The following SNF8 variants were observed in gnomAD, a reference collection of about 807,000 sequenced individuals.
The protein encoded by SNF8 is vacuolar-sorting protein SNF8.
SNF8 carries 19 observed loss-of-function variants against 36.8 expected under a neutral mutation model. That is an observed-to-expected ratio of 0.52 (90% CI 0.36 to 0.76). SNF8 has a LOEUF of 0.76. Ranked by LOEUF, SNF8 falls within the 30% of genes least tolerant of loss-of-function variation. The pLI is 0.00. For missense variants in SNF8, 268 were observed against 322.9 expected, an observed-to-expected ratio of 0.83 and a Z score of 1.30; for synonymous variants, 127 against 127.4, an observed-to-expected ratio of 1.00 and a Z score of 0.02.
At position 48,936,030 on chromosome 17, in the gene SNF8, T is replaced by TG. The variant is rs1332211081; in HGVS notation, c.422+139dup. 8.1e-5 allele frequency: 51 copies of TG among 628,236 alleles called. 1 individual carries two copies. The highest frequency in any genetic ancestry group is 2.7e-6 in the Non-Finnish European group (1 of 370,974). 38.9% of individuals were successfully genotyped at this position (628,236 alleles called of 1,614,324 possible). ...TATCTCTTATTTTTTGTTTGTTTTT[T>TG]GTTTTTTTTTTTCCTGTATGATATG... On this transcript the variant is annotated intron_variant, in intron 5 of 7. Coordinates refer to ENST00000502492, the MANE Select transcript of SNF8 (RefSeq NM_007241.4).
In SNF8 at chr17:48,935,933, G is replaced by A. The variant is rs1033797615; in HGVS notation, c.422+237C>T. 7.7e-6 allele frequency: 3 copies of A among 391,470 alleles called. No individual in the cohort carries two copies. The South Asian group carries it at 1.0e-4, about 14-fold the overall frequency. 24.2% of individuals were successfully genotyped at this position (391,470 alleles called of 1,614,324 possible). ...TTGAGCCCAAGAGTTTGAGGCTGCA[G>A]TAAGCAATGATCTTGGTAGCAGTAA... On this transcript the variant is annotated intron_variant, in intron 5 of 7. Transcript: ENST00000502492.
intron 7 of SNF8, among the ~76,000 whole-genome samples, chr17:48,930,985 TC>T (rs1445577419): frequency 2.0e-5 from 3 of 152,184 alleles, no homozygotes; most frequent in African/African-American, 7.2e-5. Context: ...ATTAAGTTAT[TC>T]CGGGTAGCAA....
At position 48,944,773 on chromosome 17, in the gene SNF8, C is replaced by G; in HGVS notation, c.-39G>C. ...CCGCGGGCCGCCCGGCTGCCGGGAC[C>G]CCGGGTCTCCACGTCCCGGACTCCG... is the stretch of plus-strand genomic sequence containing the variant. On this transcript the variant is annotated 5_prime_UTR_variant, in exon 1 of 8. Transcript: ENST00000502492. 1 of 1,577,996 alleles carries G rather than the reference C, an allele frequency of 6.3e-7. No individual in the cohort carries two copies. The highest frequency in any genetic ancestry group is 8.6e-7 in the Non-Finnish European group (1 of 1,167,962).
At chr17:48,944,015 C>T (rs751951869) in intron 1 of SNF8, 40 bp from the exon 2 acceptor site, 6 of 1,602,342 alleles carry the variant, frequency 3.7e-6, no homozygotes, top group Admixed American at 3.3e-5. Context: ...AGAGAGTGGG[C>T]GCTGGAGGCC....
At chr17:48,942,451 AT>A (rs2143819984) in intron 2 of SNF8, among the ~76,000 whole-genome samples, 1 of 151,636 alleles carries the variant, frequency 6.6e-6, no homozygotes, top group Non-Finnish European at 1.5e-5. Flanking sequence ...TGGGTTTACT[AT>A]TTTTCCTCAG....
Position 48,930,269 on chromosome 17 carries a change from G to T in SNF8, c.*206C>A. 1 of 485,898 alleles carries T rather than the reference G, an allele frequency of 2.1e-6. No individual in the cohort carries two copies. The allele number at this position is 485,898 out of a possible 1,614,324, so 30.1% of individuals were successfully genotyped here. On this transcript the variant is annotated 3_prime_UTR_variant, in exon 8 of 8. Transcript: ENST00000502492. ...ATTTTATATGTGCTTGCCGTTCTCTGTGTTAATCAGATTATGCTTACTGAA... is the reference window on the plus strand; with the variant it reads ...ATTTTATATGTGCTTGCCGTTCTCTTTGTTAATCAGATTATGCTTACTGAA...
In SNF8 at chr17:48,943,973, G is replaced by A; in HGVS notation, c.57C>T (p.Ala19=). The A allele has an allele frequency of 6.2e-7, 1 of 1,613,836 alleles. No homozygotes were observed. Among genetic ancestry groups the A allele is most frequent in the Non-Finnish European group, 8.5e-7 (1 of 1,179,864 alleles). Reference sequence around the variant, plus strand: ...AGACCGTCCCTCGCTCCTTATACTTGGCCTGTCAGACAAAGAGACCAGCAT... The same window carrying A: ...AGACCGTCCCTCGCTCCTTATACTTAGCCTGTCAGACAAAGAGACCAGCAT... ...GAIAKKKLAE[A]KYKERGTVLA... is the part of the protein sequence containing the mutation. Residue 19 remains alanine, a splice_region_variant and synonymous_variant, in exon 2 of 8, where the codon GCC becomes GCT. Coordinates refer to ENST00000502492, the MANE Select transcript of SNF8 (RefSeq NM_007241.4).
rs776266898 is a variant in SNF8, at chr17:48,943,986, A to T, written c.55-11T>A. 41 of 1,613,404 alleles carry T rather than the reference A, an allele frequency of 2.5e-5. 1 individual carries two copies. Among genetic ancestry groups the T allele is most frequent in the Non-Finnish European group, 3.4e-5 (40 of 1,179,672 alleles). On this transcript the variant is annotated splice_polypyrimidine_tract_variant and intron_variant, in intron 1 of 7. Coordinates refer to ENST00000502492, the MANE Select transcript of SNF8 (RefSeq NM_007241.4). ...CTCCTTATACTTGGCCTGTCAGACA[A>T]AGAGACCAGCATAAGTTAAGAGAGT...
chr17:48,936,817 T>C, intron 4 of SNF8: 1 of 601,804 alleles, frequency 1.7e-6, no homozygotes, highest in East Asian at 2.8e-5. Context: ...CAAAGATCTT[T>C]GGAGAACAGA....
chr17:48,936,992 C>T, intron 4 of SNF8, 28 bp downstream of exon 4: 1 of 1,507,378 alleles, frequency 6.6e-7, no homozygotes, highest in Non-Finnish European at 9.2e-7. Context: ...AGTCCAGAGT[C>T]CAGTTCACAG....
At chr17:48,944,659 G>A (rs754986805) in intron 1 of SNF8, 22 bp downstream of exon 1, 11 of 1,611,894 alleles carry the variant, frequency 6.8e-6, no homozygotes, top group Admixed American at 5.0e-5. Flanking sequence ...GCAGGTTGTG[G>A]GTCGGCCTTC....
chr17:48,932,891 T>TTCAAAAGACA (rs1487424874), intron 6 of SNF8: 1 of 266,728 alleles, frequency 3.7e-6, no homozygotes, highest in East Asian at 6.9e-5. Flanking sequence ...ATAAAGTAGT[T>TTCAAAAGACA]TCAAAAGACA....
chr17:48,930,591 A>G lies in SNF8; in HGVS notation c.661T>C (p.Leu221=), dbSNP rs771264607. ...QVLEHLLKEG[L]AWLDLQAPGE... ...GGGGCCTGTAAGTCCAGCCACGCCAACCCTTCCTTCAGCAGGTGTTCCTGG... is the reference window on the plus strand; with the variant it reads ...GGGGCCTGTAAGTCCAGCCACGCCAGCCCTTCCTTCAGCAGGTGTTCCTGG... The change falls in exon 8 of 8, where the codon TTG becomes CTG. Residue 221 remains leucine, a synonymous_variant. Coordinates refer to ENST00000502492, the MANE Select transcript of SNF8 (RefSeq NM_007241.4). 87 of 1,613,716 alleles carry G rather than the reference A, an allele frequency of 5.4e-5. No individual in the cohort carries two copies. Among genetic ancestry groups the G allele is most frequent in the East Asian group, 8.9e-5 (4 of 44,902 alleles).
At chr17:48,936,750 C>A in intron 4 of SNF8, 1 of 500,144 alleles carries the variant, frequency 2.0e-6, no homozygotes, top group South Asian at 2.6e-5. Context: ...GGGGAAAAGG[C>A]CTACTTCCTA....
At chr17:48,931,502 TG>T in intron 7 of SNF8, 140 bp downstream of exon 7, 1 of 687,802 alleles carries the variant, frequency 1.5e-6, no homozygotes, top group Non-Finnish European at 2.5e-6. Flanking sequence ...AGAGAAGTGC[TG>T]GGCTTCCTTC....
At chr17:48,938,761 T>C (rs1280434052) in intron 3 of SNF8, among the ~76,000 whole-genome samples, 1 of 150,122 alleles carries the variant, frequency 6.7e-6, no homozygotes, top group African/African-American at 2.5e-5. Context: ...CCCAGCTAGC[T>C]ACTCAGGAGG....
chr17:48,940,070 C>A (rs2040996847), intron 3 of SNF8, among the ~76,000 whole-genome samples: 1 of 56,578 alleles, frequency 1.8e-5, no homozygotes, highest in Admixed American at 2.6e-4. Context: ...GCAAGACTGT[C>A]TCAAAAAAAA....
At chr17:48,930,719 CTA>C (rs1303535342) in intron 7 of SNF8, 107 bp from the exon 8 acceptor site, 9 of 1,158,106 alleles carry the variant, frequency 7.8e-6, no homozygotes, top group Middle Eastern at 2.2e-4. Context: ...GGTTTTCAAA[CTA>C]AATCTACTAA....
chr17:48,936,046 G>C (rs1489137303), intron 5 of SNF8, 124 bp downstream of exon 5: 1 of 577,252 alleles, frequency 1.7e-6, no homozygotes, highest in Non-Finnish European at 3.0e-6. Context: ...TTTTTTTCCT[G>C]TATGATATGG....
Sources: gnomAD v4.1 joint callset for allele counts (sites outside exome capture counted in the v4.1 genomes callset) on GRCh38, gnomAD v4.1.1 for gene constraint, MANE v1.5 for transcripts, NCBI Gene and HGNC (gene_info 2026-07-23, HGNC 2026-07-21) for gene names.